Variants in RBM19 observed in about 807,000 individuals in gnomAD.
The protein encoded by RBM19 is RNA binding motif protein 19.
RBM19 carries 94 observed loss-of-function variants against 116.8 expected under a neutral mutation model. The observed-to-expected ratio is 0.80, with a 90% confidence interval of 0.68 to 0.95. The LOEUF (loss-of-function observed/expected upper bound fraction) is 0.95. RBM19 is among the 40% of genes least tolerant of loss of function. The probability of loss-of-function intolerance (pLI) is 0.00; values close to 1 mark genes in which losing one functional copy is unlikely to be tolerated. For missense variants in RBM19, 1,161 were observed against 1,220.7 expected, an observed-to-expected ratio of 0.95 and a Z score of 0.73; for synonymous variants, 475 against 494.1, an observed-to-expected ratio of 0.96 and a Z score of 0.51.
intron 1 of RBM19, among the ~76,000 whole-genome samples, chr12:113,964,838 T>C (rs1208593770): frequency 6.6e-6 from 1 of 151,292 alleles, no homozygotes; most frequent in Non-Finnish European, 1.5e-5. Context: ...AGAGGGAAGG[T>C]AGGACAGAGC....
At chr12:113,902,261 G>C (rs74237689) in intron 21 of RBM19, among the ~76,000 whole-genome samples, 11,457 of 152,070 alleles carry the variant, frequency 0.075, 695 homozygotes, top group East Asian at 0.33. Context: ...ATAGACACAG[G>C]CACCTCCCTC....
intron 12 of RBM19, 135 bp downstream of exon 12, chr12:113,946,219 A>G: frequency 8.2e-7 from 1 of 1,217,568 alleles, no homozygotes; most frequent in Non-Finnish European, 1.2e-6. Flanking sequence ...CATTTTACAG[A>G]TGAGAAAACT....
chr12:113,951,723 G>T (rs959570011), intron 8 of RBM19, among the ~76,000 whole-genome samples: 23 of 152,218 alleles, frequency 1.5e-4, no homozygotes, highest in African/African-American at 5.5e-4. Flanking sequence ...GGACTTCCGT[G>T]ATAAGAGGAG....
chr12:113,959,159 C>T, intron 5 of RBM19, 53 bp downstream of exon 5: 1 of 1,560,650 alleles, frequency 6.4e-7, no homozygotes, highest in Non-Finnish European at 8.7e-7. Context: ...CCGGTTAGCC[C>T]AATGGCAAGC....
chr12:113,952,504 G>T lies in RBM19; in HGVS notation c.1000+8C>A. 1.2e-6 allele frequency: 2 copies of T among 1,610,422 alleles called. No individual in the cohort carries two copies. The highest frequency in any genetic ancestry group is 1.7e-6 in the Non-Finnish European group (2 of 1,177,030). On this transcript the variant is annotated splice_region_variant and intron_variant, in intron 8 of 23. Transcript: ENST00000261741. Reference sequence around the variant, plus strand: ...CGCCTTCCCACCTGGAAACATCCTGGATCTTACCTGTTTTATTCCCATGAG... The same window carrying T: ...CGCCTTCCCACCTGGAAACATCCTGTATCTTACCTGTTTTATTCCCATGAG...
chr12:113,838,535 A>T (rs1377169161), intron 23 of RBM19, among the ~76,000 whole-genome samples: 1 of 152,240 alleles, frequency 6.6e-6, no homozygotes, highest in Non-Finnish European at 1.5e-5. Context: ...GCACACAGAC[A>T]GTGGCCCTGG....
At chr12:113,845,944 T>C (rs546552040) in intron 22 of RBM19, among the ~76,000 whole-genome samples, 40 of 152,316 alleles carry the variant, frequency 2.6e-4, no homozygotes, top group African/African-American at 9.4e-4. Context: ...ATAAAACGGG[T>C]ATGTTCATAT....
intron 23 of RBM19, among the ~76,000 whole-genome samples, chr12:113,838,271 T>A (rs748011631): frequency 3.9e-5 from 6 of 152,138 alleles, no homozygotes; most frequent in Non-Finnish European, 8.8e-5. Flanking sequence ...CCAGAGGACC[T>A]GGAGAAAACC....
At chr12:113,867,315 A>G (rs922075694) in intron 21 of RBM19, among the ~76,000 whole-genome samples, 3 of 152,158 alleles carry the variant, frequency 2.0e-5, no homozygotes, top group Admixed American at 1.3e-4. Context: ...CTTGGTAGGA[A>G]TTTTCATGGG....
intron 22 of RBM19, 151 bp from the exon 23 acceptor site, chr12:113,844,939 G>C (rs561601149): frequency 7.1e-6 from 8 of 1,121,004 alleles, no homozygotes; most frequent in Non-Finnish European, 9.7e-6. Flanking sequence ...TTTGGGGAGC[G>C]GTTGGGCACA....
At chr12:113,963,675 C>T (rs993458399) in intron 1 of RBM19, among the ~76,000 whole-genome samples, 1 of 152,190 alleles carries the variant, frequency 6.6e-6, no homozygotes, top group Non-Finnish European at 1.5e-5. Context: ...TTCCTCAGTG[C>T]CTGGGAGAGA....
chr12:113,883,042 C>G (rs1007470235), intron 21 of RBM19, among the ~76,000 whole-genome samples: 8 of 149,786 alleles, frequency 5.3e-5, no homozygotes, highest in Admixed American at 3.3e-4. Context: ...GAAAGAGAGA[C>G]AGAGAGAGAG....
intron 2 of RBM19, among the ~76,000 whole-genome samples, chr12:113,960,407 G>A (rs890034073): frequency 1.3e-5 from 2 of 152,202 alleles, no homozygotes; most frequent in Non-Finnish European, 2.9e-5. Flanking sequence ...AATGGTAATA[G>A]CTGCCACTTA....
chr12:113,840,589 T>C (rs745464327), intron 23 of RBM19, among the ~76,000 whole-genome samples: 1 of 152,238 alleles, frequency 6.6e-6, no homozygotes, highest in Non-Finnish European at 1.5e-5. Context: ...CAGGGACAAT[T>C]TGGGCCTGTG....
chr12:113,831,344 T>C (rs1323764262), intron 23 of RBM19, among the ~76,000 whole-genome samples: 1 of 152,190 alleles, frequency 6.6e-6, no homozygotes, highest in African/African-American at 2.4e-5. Context: ...GTCTGTGTGT[T>C]TTCCTTGGGT....
chr12:113,940,252 G>A, intron 14 of RBM19, 92 bp from the exon 15 acceptor site: 1 of 1,345,444 alleles, frequency 7.4e-7, no homozygotes, highest in Non-Finnish European at 1.0e-6. Context: ...TCCAGACAAG[G>A]CTCTCCATTT....
chr12:113,843,005 G>A (rs554943742), intron 23 of RBM19, among the ~76,000 whole-genome samples: 26 of 152,282 alleles, frequency 1.7e-4, no homozygotes, highest in Non-Finnish European at 3.1e-4. Context: ...TAGAATCAAG[G>A]GGCTTCCCTG....
In RBM19 at chr12:113,959,229, G is replaced by C; in HGVS notation, c.554C>G (p.Ala185Gly). ...GCCCTCACCTTCCAGGTCCTCCCCG[G>C]CTCCCTCCTCCTCACTCTCCTGCCC... ...DSGQESEEEG[A>G]GEDLEEEASL... Residue 185 changes from alanine to glycine, a missense_variant, in exon 5 of 24, where the codon GCC (alanine) becomes GGC (glycine). Coordinates refer to ENST00000261741, the MANE Select transcript of RBM19 (RefSeq NM_016196.4). 6.2e-7 allele frequency: 1 copy of C among 1,611,658 alleles called. No homozygotes were observed. Among genetic ancestry groups the C allele is most frequent in the South Asian group, 1.1e-5 (1 of 90,966 alleles).
intron 23 of RBM19, among the ~76,000 whole-genome samples, chr12:113,837,545 C>T (rs1043146544): frequency 2.0e-5 from 3 of 152,232 alleles, no homozygotes; most frequent in African/African-American, 4.8e-5. Flanking sequence ...GTTTCCCTAA[C>T]GAGGTGGGCG....
Sources: allele counts gnomAD v4.1 joint callset (sites outside exome capture counted in the v4.1 genomes callset), GRCh38; gene constraint gnomAD v4.1.1; transcripts MANE v1.5; gene names NCBI Gene and HGNC (gene_info 2026-07-23, HGNC 2026-07-21).